ENTREP1: variants seen among roughly 807,000 people sequenced by gnomAD.
The protein encoded by ENTREP1 is endosomal transmembrane epsin interactor 1.
At chr9:69,352,743 C>G in the ENTREP1 span, among the ~76,000 whole-genome samples, 3 of 152,172 alleles carry the variant, frequency 2.0e-5, no homozygotes, top group Non-Finnish European at 4.4e-5. Flanking sequence ...AGCTAGCTGT[C>G]TGAGAGCTCT....
chr9:69,371,731 A>C, the ENTREP1 span: 1 of 698,772 alleles, frequency 1.4e-6, no homozygotes, highest in South Asian at 1.7e-5. Flanking sequence ...AAATGGGTAA[A>C]GGGAAGTGGG....
chr9:69,334,259 G>A, the ENTREP1 span, among the ~76,000 whole-genome samples: 2 of 152,270 alleles, frequency 1.3e-5, no homozygotes, highest in South Asian at 4.1e-4. Flanking sequence ...GGATTTAAAG[G>A]GATTGCAAGG....
the ENTREP1 span, among the ~76,000 whole-genome samples, chr9:69,330,529 C>T: frequency 3.2e-4 from 48 of 152,090 alleles, no homozygotes; most frequent in African/African-American, 1.1e-3. Context: ...TTAGGGTGAA[C>T]CTTTGTAAAA....
the ENTREP1 span, among the ~76,000 whole-genome samples, chr9:69,364,887 T>C: frequency 6.6e-6 from 1 of 152,010 alleles, no homozygotes; most frequent in African/African-American, 2.4e-5. Context: ...TTTGCAGGAG[T>C]GGCATTCTAA....
the ENTREP1 span, chr9:69,385,653 C>A: frequency 7.9e-7 from 1 of 1,271,736 alleles, no homozygotes; most frequent in Non-Finnish European, 1.0e-6. Flanking sequence ...GGCCAGCAGC[C>A]TGAGTAAATG....
chr9:69,374,907 T>C, the ENTREP1 span, among the ~76,000 whole-genome samples: 1 of 152,228 alleles, frequency 6.6e-6, no homozygotes, highest in South Asian at 2.1e-4. Context: ...TATTAGATTC[T>C]GCAAGGATCA....
the ENTREP1 span, chr9:69,385,722 T>G: frequency 7.0e-7 from 1 of 1,437,484 alleles, no homozygotes. Context: ...TTCCTGCCCA[T>G]TTTGAGGACT....
chr9:69,383,513 T>A, the ENTREP1 span: 3 of 1,536,344 alleles, frequency 2.0e-6, no homozygotes, highest in Non-Finnish European at 2.6e-6. Context: ...GAGACCATGG[T>A]ATGGAGAGGT....
At chr9:69,355,923 G>A in the ENTREP1 span, among the ~76,000 whole-genome samples, 1 of 152,102 alleles carries the variant, frequency 6.6e-6, no homozygotes, top group Admixed American at 6.5e-5. Flanking sequence ...CTTTTTTGTG[G>A]TGTGCAATTT....
chr9:69,349,722 G>A, the ENTREP1 span, among the ~76,000 whole-genome samples: 121,298 of 152,144 alleles, frequency 0.8, 48,469 homozygotes, highest in South Asian at 0.87. Context: ...TGTATTTAAC[G>A]CACCTCGAGC....
At chr9:69,342,384 T>C in the ENTREP1 span, among the ~76,000 whole-genome samples, 352 of 152,316 alleles carry the variant, frequency 2.3e-3, 3 homozygotes, top group African/African-American at 7.3e-3. Flanking sequence ...TACCACCTCC[T>C]CCATTAGCCA....
the ENTREP1 span, among the ~76,000 whole-genome samples, chr9:69,363,146 A>T: frequency 6.6e-6 from 1 of 152,292 alleles, no homozygotes; most frequent in South Asian, 2.1e-4. Context: ...CCACAGGGCA[A>T]TGTGGGGCAA....
the ENTREP1 span, chr9:69,383,993 C>T: frequency 6.2e-7 from 1 of 1,612,950 alleles, no homozygotes; most frequent in African/African-American, 1.3e-5. Context: ...GCTGTGATCC[C>T]ATTGGATCTG....
the ENTREP1 span, among the ~76,000 whole-genome samples, chr9:69,353,742 C>T: frequency 8.5e-5 from 13 of 152,146 alleles, no homozygotes; most frequent in Non-Finnish European, 1.5e-4. Flanking sequence ...TATCAAGATT[C>T]GCTTATGGCA....
chr9:69,358,981 G>C, the ENTREP1 span, among the ~76,000 whole-genome samples: 37 of 146,464 alleles, frequency 2.5e-4, no homozygotes, highest in African/African-American at 9.4e-4. Context: ...TCGGCTGACT[G>C]TGTAACCTCC....
chr9:69,342,504 A>G, the ENTREP1 span, among the ~76,000 whole-genome samples: 541 of 152,326 alleles, frequency 3.6e-3, 10 homozygotes, highest in Admixed American at 0.025. Context: ...CAAGATCTGA[A>G]GTGGCAAATG....
At chr9:69,379,424 G>A in the ENTREP1 span, among the ~76,000 whole-genome samples, 1,649 of 152,286 alleles carry the variant, frequency 0.011, 24 homozygotes, top group Non-Finnish European at 0.018. Context: ...AGGTGGCCTG[G>A]GCTAGGCCTG....
At chr9:69,343,508 G>A in the ENTREP1 span, among the ~76,000 whole-genome samples, 11 of 152,040 alleles carry the variant, frequency 7.2e-5, no homozygotes, top group African/African-American at 2.4e-4. Flanking sequence ...TGGCACCGTC[G>A]CAGCTCACTG....
the ENTREP1 span, among the ~76,000 whole-genome samples, chr9:69,341,267 A>G: frequency 6.7e-4 from 102 of 152,294 alleles, no homozygotes; most frequent in Non-Finnish European, 5.1e-4. Context: ...AGCATCAACA[A>G]TGAAGGTTCT....
Sources: allele counts gnomAD v4.1 joint callset (sites outside exome capture counted in the v4.1 genomes callset), GRCh38; gene constraint gnomAD v4.1.1; transcripts MANE v1.5; gene names NCBI Gene and HGNC (gene_info 2026-07-23, HGNC 2026-07-21).